Variants in MAPK10 observed in about 807,000 individuals in gnomAD.
MAPK10 encodes mitogen-activated protein kinase 10, also known as JNK3 alpha protein kinase.
In MAPK10, 25 loss-of-function variants were observed where a neutral mutation model predicts 59.3. The ratio of observed to expected loss-of-function variants is 0.42; its 90% CI spans 0.31 to 0.59. The LOEUF is 0.59. Among genes scored for constraint, MAPK10 ranks in the 20% least tolerant of loss-of-function variants. MAPK10 has a pLI of 0.15. For synonymous variants in MAPK10, 190 were observed against 200.5 expected, an observed-to-expected ratio of 0.95 and a Z score of 0.44; for missense variants, 351 against 568.9, an observed-to-expected ratio of 0.62 and a Z score of 3.90.
At chr4:86,258,563 G>C (rs1047927421) in intron 2 of MAPK10, among the ~76,000 whole-genome samples, 14 of 152,040 alleles carry the variant, frequency 9.2e-5, no homozygotes, top group African/African-American at 3.4e-4. Context: ...CATGCTTGCT[G>C]TCTTTTCTTC....
At chr4:86,162,795 A>G (rs2070262522) in intron 3 of MAPK10, among the ~76,000 whole-genome samples, 1 of 152,044 alleles carries the variant, frequency 6.6e-6, no homozygotes, top group East Asian at 1.9e-4. Flanking sequence ...GGGAGACTTG[A>G]TCTGTGTTTT....
At chr4:86,378,029 C>G (rs1268241733) in intron 1 of MAPK10, among the ~76,000 whole-genome samples, 1 of 152,138 alleles carries the variant, frequency 6.6e-6, no homozygotes, top group African/African-American at 2.4e-5. Flanking sequence ...CTTGGCAACA[C>G]TCTCACAGAC....
chr4:86,467,960 G>A (rs758397201), intron 1 of MAPK10, among the ~76,000 whole-genome samples: 3 of 152,166 alleles, frequency 2.0e-5, no homozygotes, highest in Non-Finnish European at 4.4e-5. Flanking sequence ...GCCAGATACA[G>A]ACATTCTAAA....
At chr4:86,336,702 A>G (rs1432448591) in intron 2 of MAPK10, 1 of 152,088 alleles carries the variant, frequency 6.6e-6, no homozygotes, top group African/African-American at 2.4e-5. Flanking sequence ...CATTTAACAT[A>G]AAAAATATTT....
chr4:86,073,323 G>A (rs1453830749), intron 9 of MAPK10, among the ~76,000 whole-genome samples: 1 of 151,208 alleles, frequency 6.6e-6, no homozygotes, highest in Admixed American at 6.6e-5. Flanking sequence ...TATCAATTTT[G>A]TTGATCCTTT....
upstream of MAPK10, chr4:86,360,280 A>G (rs1225245692): frequency 1.2e-6 from 1 of 830,684 alleles, no homozygotes; most frequent in Non-Finnish European, 1.5e-6. Flanking sequence ...ATCAGCAACT[A>G]CGACATCAAG....
At chr4:86,507,072 T>C (rs1215303996) in intron 1 of MAPK10, among the ~76,000 whole-genome samples, 4 of 152,060 alleles carry the variant, frequency 2.6e-5, no homozygotes, top group African/African-American at 7.2e-5. Flanking sequence ...TTTTAGAAGA[T>C]GCAATAATCC....
intron 1 of MAPK10, among the ~76,000 whole-genome samples, chr4:86,574,749 A>G (rs1761746973): frequency 6.6e-6 from 1 of 152,194 alleles, no homozygotes; most frequent in African/African-American, 2.4e-5. Context: ...TAATTTTAGT[A>G]GAATTTTAAA....
At chr4:86,478,148 A>G (rs1296163355) in intron 1 of MAPK10, among the ~76,000 whole-genome samples, 14 of 152,306 alleles carry the variant, frequency 9.2e-5, no homozygotes, top group Non-Finnish European at 1.5e-4. Context: ...TCGACTTTGG[A>G]TACCTGGTTT....
At chr4:86,309,576 C>G (rs930285570) in intron 2 of MAPK10, among the ~76,000 whole-genome samples, 7 of 152,114 alleles carry the variant, frequency 4.6e-5, no homozygotes, top group Non-Finnish European at 1.0e-4. Context: ...TGGCTATAAC[C>G]TAGAAATCGT....
intron 2 of MAPK10, among the ~76,000 whole-genome samples, chr4:86,304,387 CTTTTTTT>C (rs1162506350): frequency 1.8e-5 from 2 of 112,562 alleles, no homozygotes; most frequent in African/African-American, 7.5e-5. Context: ...TGGAGTATTT[CTTTTTTT>C]TTTTTTTTTT....
chr4:86,256,092 C>T (rs2093695042), intron 2 of MAPK10, among the ~76,000 whole-genome samples: 1 of 152,214 alleles, frequency 6.6e-6, no homozygotes. Context: ...TTAGGAACCT[C>T]ATTTATAGCA....
At chr4:86,418,757 T>C (rs1046278601) in intron 1 of MAPK10, among the ~76,000 whole-genome samples, 1 of 152,076 alleles carries the variant, frequency 6.6e-6, no homozygotes, top group Non-Finnish European at 1.5e-5. Context: ...ATTGCAAAAA[T>C]ATGGAACCAG....
chr4:86,157,089 A>G (rs998163161), intron 4 of MAPK10, among the ~76,000 whole-genome samples: 2 of 152,066 alleles, frequency 1.3e-5, no homozygotes, highest in Non-Finnish European at 2.9e-5. Flanking sequence ...ATAGTATAGT[A>G]ATAACTTCTT....
chr4:86,176,793 T>C, intron 3 of MAPK10, among the ~76,000 whole-genome samples: 1 of 152,100 alleles, frequency 6.6e-6, no homozygotes, highest in South Asian at 2.1e-4. Context: ...AGGTAGACCG[T>C]TATCATGACA....
At chr4:86,091,403 T>A (rs1173207943) in intron 9 of MAPK10, 1 of 151,756 alleles carries the variant, frequency 6.6e-6, no homozygotes, top group Admixed American at 6.6e-5. Context: ...GAACTTCTCT[T>A]CACTATGTAA....
intron 2 of MAPK10, among the ~76,000 whole-genome samples, chr4:86,242,871 G>A (rs1055435267): frequency 1.3e-5 from 1 of 74,506 alleles, no homozygotes; most frequent in East Asian, 2.3e-4. Flanking sequence ...CCCCTCCCCC[G>A]GAAGTTCGAT....
chr4:86,091,536 A>ATTTTTTTTTTTTT (rs71657508), intron 9 of MAPK10: 5 of 67,458 alleles, frequency 7.4e-5, no homozygotes, highest in Admixed American at 2.2e-4. Flanking sequence ...AAATCCCTTG[A>ATTTTTTTTTTTTT]TTTTTTTTTT....
intron 2 of MAPK10, among the ~76,000 whole-genome samples, chr4:86,213,064 T>G (rs762156829): frequency 2.6e-5 from 4 of 152,024 alleles, no homozygotes; most frequent in Non-Finnish European, 5.9e-5. Flanking sequence ...AATTCAGAAA[T>G]TTGTAGAAAT....
Sources: allele counts gnomAD v4.1 joint callset (sites outside exome capture counted in the v4.1 genomes callset), GRCh38; gene constraint gnomAD v4.1.1; transcripts MANE v1.5; gene names NCBI Gene and HGNC (gene_info 2026-07-23, HGNC 2026-07-21).